ETV1: variants seen among roughly 807,000 people sequenced by gnomAD.
ETV1 encodes the protein ETS translocation variant 1.
ETV1 carries 27 observed loss-of-function variants against 62.3 expected under a neutral mutation model. The ratio of observed to expected loss-of-function variants is 0.43; its 90% CI spans 0.32 to 0.60. ETV1 has a LOEUF of 0.60. Among genes scored for constraint, ETV1 ranks in the 20% least tolerant of loss-of-function variants. ETV1 has a pLI of 0.06. For missense variants in ETV1, 605 were observed against 605.8 expected (o/e 1.00, Z 0.01); for synonymous variants, 222 against 199.6 (o/e 1.11, Z -0.94).
chr7:13,951,114 TATC>T (rs1788768211), intron 6 of ETV1, among the ~76,000 whole-genome samples: 1 of 152,196 alleles, frequency 6.6e-6, no homozygotes, highest in South Asian at 2.1e-4. Context: ...TTCACTCACT[TATC>T]AGCCTGCCTA....
chr7:13,931,192 A>G (rs1786102796), intron 9 of ETV1, among the ~76,000 whole-genome samples: 1 of 152,058 alleles, frequency 6.6e-6, no homozygotes, highest in South Asian at 2.1e-4. Flanking sequence ...AATAAGAAGA[A>G]AAAAAAGTAC....
intron 9 of ETV1, among the ~76,000 whole-genome samples, chr7:13,914,399 A>G (rs1184268130): frequency 6.6e-6 from 1 of 152,174 alleles, no homozygotes; most frequent in Non-Finnish European, 1.5e-5. Context: ...TAAACTGCCT[A>G]TAATTTGTTA....
In ETV1 at chr7:13,930,329, A is replaced by T. The variant is rs112760759; in HGVS notation, c.802+1173T>A. 7.9e-3 allele frequency among the ~76,000 whole-genome samples: 1,183 copies of T among 150,290 alleles called. 15 individuals carry two copies. The highest frequency in any genetic ancestry group is 0.026 in the African/African-American group (1,070 of 41,052). ...GTTGGTGGTACTATTTGGAAAAAAA[A>T]TTTTTTTTTTGAGACGGAGTCTTAC... On this transcript the variant is annotated intron_variant, in intron 9 of 13. Transcript: ENST00000430479.
intron 8 of ETV1, among the ~76,000 whole-genome samples, chr7:13,931,977 T>C (rs555517950): frequency 6.6e-6 from 1 of 152,124 alleles, no homozygotes; most frequent in East Asian, 1.9e-4. Context: ...TGTTGCAGTA[T>C]ATGAGTTAAA....
intron 6 of ETV1, among the ~76,000 whole-genome samples, chr7:13,943,431 G>A (rs970182079): frequency 4.6e-5 from 7 of 152,184 alleles, no homozygotes; most frequent in Non-Finnish European, 8.8e-5. Flanking sequence ...GTATGGATTA[G>A]TATAATAAGC....
At chr7:13,927,479 C>T (rs541222627) in intron 9 of ETV1, among the ~76,000 whole-genome samples, 13 of 152,184 alleles carry the variant, frequency 8.5e-5, no homozygotes, top group Admixed American at 2.6e-4. Flanking sequence ...AAACAAAATG[C>T]TTTTTACATT....
chr7:13,920,441 A>AGTGT (rs4027263), intron 9 of ETV1, among the ~76,000 whole-genome samples: 27,566 of 148,390 alleles, frequency 0.19, 2,671 homozygotes, highest in African/African-American at 0.24. Context: ...AGAGTGAGTG[A>AGTGT]GTGTGTGTGT....
intron 6 of ETV1, among the ~76,000 whole-genome samples, chr7:13,956,850 A>G (rs1789522253): frequency 6.6e-6 from 1 of 152,212 alleles, no homozygotes; most frequent in African/African-American, 2.4e-5. Flanking sequence ...CATAAATTTC[A>G]TTTAAGTAAA....
intron 6 of ETV1, among the ~76,000 whole-genome samples, chr7:13,942,342 T>C (rs1011266898): frequency 2.2e-5 from 3 of 137,872 alleles, no homozygotes; most frequent in Non-Finnish European, 4.9e-5. Context: ...AAACAAGTGG[T>C]TTTCGATTAT....
chr7:13,947,114 T>G (rs1237727931), intron 6 of ETV1, among the ~76,000 whole-genome samples: 1 of 152,202 alleles, frequency 6.6e-6, no homozygotes, highest in African/African-American at 2.4e-5. Flanking sequence ...GGAGAATAAC[T>G]TCCCAAACAA....
At chr7:13,915,626 T>G (rs1045434938) in intron 9 of ETV1, among the ~76,000 whole-genome samples, 4 of 152,218 alleles carry the variant, frequency 2.6e-5, no homozygotes, top group Non-Finnish European at 5.9e-5. Context: ...GCAGATGTGT[T>G]TAAATGCAAA....
intron 6 of ETV1, among the ~76,000 whole-genome samples, chr7:13,970,327 A>ACACACACACAC (rs1562698780): frequency 1.5e-5 from 2 of 130,544 alleles, no homozygotes; most frequent in African/African-American, 3.0e-5. Flanking sequence ...CACACACACA[A>ACACACACACAC]AGCAGCAACT....
intron 9 of ETV1, among the ~76,000 whole-genome samples, chr7:13,928,733 C>T (rs184929756): frequency 1.2e-4 from 19 of 152,138 alleles, no homozygotes; most frequent in Admixed American, 9.8e-4. Context: ...CAAGGTGGCC[C>T]GATCACCAGA....
intron 9 of ETV1, among the ~76,000 whole-genome samples, chr7:13,913,370 G>A (rs1256896047): frequency 6.6e-6 from 1 of 152,280 alleles, no homozygotes; most frequent in Non-Finnish European, 1.5e-5. Flanking sequence ...TGATAGAACT[G>A]ATTTTGAATC....
At chr7:13,919,912 A>G (rs530088711) in intron 9 of ETV1, among the ~76,000 whole-genome samples, 140 of 151,954 alleles carry the variant, frequency 9.2e-4, no homozygotes, top group African/African-American at 3.3e-3. Flanking sequence ...GAGAGAGAGA[A>G]GAGAGATCCA....
chr7:13,986,519 G>A, intron 5 of ETV1, 119 bp downstream of exon 5: 6 of 1,552,280 alleles, frequency 3.9e-6, no homozygotes, highest in Non-Finnish European at 5.2e-6. Context: ...CATGACACAT[G>A]AGGTGGCTCT....
chr7:13,930,358 G>C (rs945426222), intron 9 of ETV1, among the ~76,000 whole-genome samples: 3 of 152,078 alleles, frequency 2.0e-5, no homozygotes, highest in Non-Finnish European at 4.4e-5. Flanking sequence ...GTCTTACTCT[G>C]TCACCCAGGC....
chr7:13,908,883 A>G (rs1436674257), intron 11 of ETV1, among the ~76,000 whole-genome samples: 1 of 152,080 alleles, frequency 6.6e-6, no homozygotes, highest in Non-Finnish European at 1.5e-5. Flanking sequence ...AAACGATCAA[A>G]GCAGGAAATA....
intron 9 of ETV1, among the ~76,000 whole-genome samples, chr7:13,928,589 G>A (rs563028630): frequency 2.6e-4 from 40 of 152,136 alleles, no homozygotes; most frequent in Middle Eastern, 3.4e-3. Flanking sequence ...ACTCCAGCCT[G>A]GCAACAGAGC....
Sources: allele counts gnomAD v4.1 joint callset (sites outside exome capture counted in the v4.1 genomes callset), GRCh38; gene constraint gnomAD v4.1.1; transcripts MANE v1.5; gene names NCBI Gene and HGNC (gene_info 2026-07-23, HGNC 2026-07-21).